DACH2: variants seen among roughly 807,000 people sequenced by gnomAD.
The protein encoded by DACH2 is dachshund homolog 2.
Under a neutral mutation model 35.8 loss-of-function variants are expected in DACH2, and 17 were observed. The observed-to-expected ratio is 0.48, with a 90% CI of 0.33 to 0.71. The LOEUF (loss-of-function observed/expected upper bound fraction) is 0.71. Ranked by LOEUF, DACH2 falls within the 30% of genes least tolerant of loss-of-function variation. The pLI is 0.02. For synonymous variants in DACH2, 195 were observed against 177.3 expected (o/e 1.10, Z -0.79); for missense variants, 469 against 472.7 (o/e 0.99, Z 0.07).
chrX:86,584,791 A>C (rs977696058), intron 3 of DACH2, among the ~76,000 whole-genome samples: 1 of 111,249 alleles, frequency 9.0e-6, no homozygotes, highest in Non-Finnish European at 1.9e-5. Flanking sequence ...ATAGTACAAA[A>C]TAGGTAGCTT....
At chrX:86,552,450 T>C (rs147059044) in intron 3 of DACH2, among the ~76,000 whole-genome samples, 19 of 112,150 alleles carry the variant, frequency 1.7e-4, no homozygotes, top group African/African-American at 5.8e-4. Context: ...GCATTAGGCA[T>C]GGGCATTATT....
intron 4 of DACH2, among the ~76,000 whole-genome samples, chrX:86,665,704 G>T (rs185401773): frequency 1.8e-5 from 2 of 111,195 alleles, no homozygotes; most frequent in East Asian, 2.8e-4. Context: ...TTTTGGAAAA[G>T]TCTGTCCAGA....
At position 86,600,815 on chromosome X, in the gene DACH2, G is replaced by A. The variant is rs776581728; in HGVS notation, c.641-50221G>A. ...TTCAGTCTTTTGGCCGGATGCTTGA[G>A]ACTTAGTTACCCCACTATATCGTGC... is the stretch of plus-strand genomic sequence containing the variant. On this transcript the variant is annotated intron_variant, in intron 3 of 11. Transcript: ENST00000373125. Among the ~76,000 whole-genome samples the A allele has an allele frequency of 3.6e-5, 4 of 111,261 alleles. No homozygotes were observed. The South Asian group carries it at 1.5e-3, about 42-fold the overall frequency.
At chrX:86,401,577 G>A (rs1199909768) in intron 2 of DACH2, among the ~76,000 whole-genome samples, 1 of 111,336 alleles carries the variant, frequency 9.0e-6, no homozygotes. Context: ...CTGAAAGAAT[G>A]GAGTTTCTTG....
chrX:86,667,449 GAGAA>G (rs201673020), intron 4 of DACH2, among the ~76,000 whole-genome samples: 4,871 of 51,214 alleles, frequency 0.095, 466 homozygotes, highest in African/African-American at 0.27. Flanking sequence ...AAAGAAGAAA[GAGAA>G]AGAAAGAATG....
At chrX:86,669,698 A>T (rs1441614958) in intron 4 of DACH2, among the ~76,000 whole-genome samples, 2 of 111,602 alleles carry the variant, frequency 1.8e-5, no homozygotes, top group Non-Finnish European at 3.8e-5. Flanking sequence ...AATAAATTAA[A>T]TTGAGAACAC....
intron 1 of DACH2, among the ~76,000 whole-genome samples, chrX:86,357,032 C>A (rs2035654693): frequency 9.0e-6 from 1 of 111,366 alleles, no homozygotes; most frequent in Admixed American, 9.6e-5. Context: ...GCTTAGCTCC[C>A]ACTTGTAAGT....
intron 1 of DACH2, among the ~76,000 whole-genome samples, chrX:86,368,986 T>C (rs2035846834): frequency 9.0e-6 from 1 of 111,336 alleles, no homozygotes; most frequent in African/African-American, 3.3e-5. Flanking sequence ...AACTCTTCAA[T>C]CTCACTTTCT....
intron 3 of DACH2, among the ~76,000 whole-genome samples, chrX:86,551,561 G>A (rs1177112102): frequency 8.9e-6 from 1 of 111,938 alleles, no homozygotes; most frequent in Non-Finnish European, 1.9e-5. Flanking sequence ...AGTTTCTGTT[G>A]ACATTTTGCA....
intron 2 of DACH2, among the ~76,000 whole-genome samples, chrX:86,459,775 T>A (rs1602543960): frequency 9.0e-6 from 1 of 111,398 alleles, no homozygotes; most frequent in East Asian, 2.8e-4. Context: ...GTAGAGTGTT[T>A]AGCATTTCTA....
At chrX:86,272,252 G>A (rs747101110) in intron 1 of DACH2, among the ~76,000 whole-genome samples, 1 of 108,311 alleles carries the variant, frequency 9.2e-6, no homozygotes, top group Non-Finnish European at 1.9e-5. Context: ...TTAATTACTT[G>A]TTGATGGATG....
chrX:86,592,606 G>C (rs1313599773), intron 3 of DACH2, among the ~76,000 whole-genome samples: 1 of 112,068 alleles, frequency 8.9e-6, no homozygotes, highest in African/African-American at 3.2e-5. Context: ...TATACATCAA[G>C]TTATGTAGAA....
chrX:86,296,149 G>A (rs2034449223), intron 1 of DACH2, among the ~76,000 whole-genome samples: 1 of 107,661 alleles, frequency 9.3e-6, no homozygotes, highest in Non-Finnish European at 1.9e-5. Context: ...GGAGGCCGAG[G>A]CGGGCGGATC....
chrX:86,424,074 T>C (rs2036851623), intron 2 of DACH2, among the ~76,000 whole-genome samples: 1 of 111,196 alleles, frequency 9.0e-6, no homozygotes, highest in African/African-American at 3.3e-5. Context: ...CCATCTTGTT[T>C]TGGTTCCTAT....
At chrX:86,328,094 A>G (rs1171673424) in intron 1 of DACH2, among the ~76,000 whole-genome samples, 2 of 111,195 alleles carry the variant, frequency 1.8e-5, no homozygotes, top group East Asian at 2.8e-4. Flanking sequence ...ATCATTTACT[A>G]TGACTACATA....
At chrX:86,694,854 C>A (rs2041048619) in intron 4 of DACH2, among the ~76,000 whole-genome samples, 167 bp from the exon 5 acceptor site, 1 of 111,765 alleles carries the variant, frequency 8.9e-6, no homozygotes, top group Non-Finnish European at 1.9e-5. Context: ...CAGCTTACAT[C>A]TCTAGACTAT....
At chrX:86,169,903 T>C (rs2031066669) in intron 1 of DACH2, among the ~76,000 whole-genome samples, 2 of 110,853 alleles carry the variant, frequency 1.8e-5, no homozygotes, top group South Asian at 7.6e-4. Flanking sequence ...TTGATGCTAA[T>C]AGATGTTCTT....
At chrX:86,389,290 G>T (rs1169593417) in intron 2 of DACH2, among the ~76,000 whole-genome samples, 1 of 112,009 alleles carries the variant, frequency 8.9e-6, no homozygotes, top group East Asian at 2.8e-4. Flanking sequence ...ATCAGTTATG[G>T]GAAGGAGTTT....
intron 1 of DACH2, among the ~76,000 whole-genome samples, chrX:86,228,648 T>C (rs994751680): frequency 3.6e-5 from 4 of 111,246 alleles, no homozygotes; most frequent in African/African-American, 9.8e-5. Context: ...TCTTTGATTA[T>C]GGCCATTCTT....
Sources: gnomAD v4.1 joint callset for allele counts (sites outside exome capture counted in the v4.1 genomes callset) on GRCh38, gnomAD v4.1.1 for gene constraint, MANE v1.5 for transcripts, NCBI Gene and HGNC (gene_info 2026-07-23, HGNC 2026-07-21) for gene names.